Variants in ALOX5 observed in about 807,000 individuals in gnomAD.
The protein encoded by ALOX5 is polyunsaturated fatty acid 5-lipoxygenase.
ALOX5 carries 64 observed loss-of-function variants against 87.9 expected under a neutral mutation model. The observed-to-expected ratio is 0.73, with a 90% CI of 0.60 to 0.90. The LOEUF (loss-of-function observed/expected upper bound fraction) is 0.90, where lower values mean the gene tolerates loss of function less well. Among genes scored for constraint, ALOX5 ranks in the 40% least tolerant of loss-of-function variants. The probability of loss-of-function intolerance (pLI) is 0.00; values close to 1 mark genes in which losing one functional copy is unlikely to be tolerated. For synonymous variants in ALOX5, 388 were observed against 355.1 expected (o/e 1.09, Z -1.04); for missense variants, 822 against 907.5 (o/e 0.91, Z 1.21).
chr10:45,424,015 AAG>A (rs776116374), intron 4 of ALOX5, 24 bp from the exon 5 acceptor site: 3 of 1,584,262 alleles, frequency 1.9e-6, no homozygotes. Context: ...TAGTGTGCGC[AAG>A]GTGACCTCTC....
intron 12 of ALOX5, 101 bp downstream of exon 12, chr10:45,443,929 G>A (rs865992216): frequency 9.6e-6 from 14 of 1,456,900 alleles, no homozygotes; most frequent in Middle Eastern, 2.4e-4. Context: ...GGACAGCCTC[G>A]GGGCCTGGCA....
chr10:45,422,617 CATAGGGCAGCAGGCAT>C, intron 4 of ALOX5, among the ~76,000 whole-genome samples: 1 of 152,194 alleles, frequency 6.6e-6, no homozygotes, highest in African/African-American at 2.4e-5. Flanking sequence ...CCTCAGCATG[CATAGGGCAGCAGGCAT>C]AGATTCATAC....
At chr10:45,391,140 C>T (rs1461043544) in intron 2 of ALOX5, among the ~76,000 whole-genome samples, 5 of 147,710 alleles carry the variant, frequency 3.4e-5, no homozygotes, top group Non-Finnish European at 5.9e-5. Context: ...CCTCTGATGC[C>T]GAGCCAAAGC....
Position 45,445,944 on chromosome 10 carries a change from C to A in ALOX5, c.*257C>A, listed in dbSNP as rs1251139163. ...AGCTCAGCATTTCCACACCAAGCAG[C>A]AACAGCAAATCACGACCACTGATAG... On this transcript the variant is annotated 3_prime_UTR_variant, in exon 14 of 14. Transcript: ENST00000374391. 1 of 428,392 alleles carries A rather than the reference C, an allele frequency of 2.3e-6. No individual in the cohort carries two copies. Among genetic ancestry groups the A allele is most frequent in the Admixed American group, 3.9e-5 (1 of 25,392 alleles). The allele number at this position is 428,392 out of a possible 1,614,324, so 26.5% of individuals were successfully genotyped here. A position where few individuals can be genotyped will look rare whatever the true frequency, so the allele number is the denominator to read the frequency against.
intron 3 of ALOX5, among the ~76,000 whole-genome samples, chr10:45,403,160 G>A (rs1041538744): frequency 1.3e-5 from 2 of 152,200 alleles, no homozygotes; most frequent in Non-Finnish European, 2.9e-5. Context: ...AAATTTGTGT[G>A]CATGTGCGCC....
At chr10:45,414,016 A>T (rs1714018558) in intron 4 of ALOX5, among the ~76,000 whole-genome samples, 1 of 152,236 alleles carries the variant, frequency 6.6e-6, no homozygotes, top group South Asian at 2.1e-4. Flanking sequence ...CATACTCCCA[A>T]GGTAATTTAT....
chr10:45,441,726 C>T (rs1249911803), intron 9 of ALOX5: 1 of 432,020 alleles, frequency 2.3e-6, no homozygotes, highest in African/African-American at 2.0e-5. Context: ...CTGGAACACA[C>T]TCCTTATGGC....
At chr10:45,374,504 G>A in intron 1 of ALOX5, 75 bp downstream of exon 1, 1 of 1,342,498 alleles carries the variant, frequency 7.4e-7, no homozygotes, top group Non-Finnish European at 9.6e-7. Context: ...CAGAGGCCTG[G>A]GCGGGGGCGC....
chr10:45,408,204 G>A (rs1490102103), intron 3 of ALOX5, among the ~76,000 whole-genome samples: 3 of 152,162 alleles, frequency 2.0e-5, no homozygotes, highest in Non-Finnish European at 4.4e-5. Flanking sequence ...CTTATTCTGA[G>A]CCAAATATGA....
Position 45,440,501 on chromosome 10 carries a change from C to T in ALOX5, c.1053C>T (p.Ala351=), listed in dbSNP as rs1403122944. The T allele has an allele frequency of 6.8e-6, 11 of 1,614,220 alleles. No homozygotes were observed. The highest frequency in any genetic ancestry group is 8.5e-6 in the Non-Finnish European group (10 of 1,180,014). The change falls in exon 8 of 14, where the codon GCC becomes GCT. Residue 351 remains alanine, a synonymous_variant. Transcript: ENST00000374391. The part of the protein sequence containing the change: ...PSDAKYDWLL[A]KIWVRSSDFH... ...ATGCAAAATACGACTGGCTTTTGGC[C>T]AAAATCTGGGTGCGTTCCAGTGACT...
intron 9 of ALOX5, chr10:45,442,479 G>A (rs1564450147): frequency 6.6e-6 from 1 of 152,466 alleles, no homozygotes; most frequent in East Asian, 1.9e-4. Context: ...GTATTTGCAT[G>A]TGTGTGTGTG....
At chr10:45,429,640 G>A (rs1243242408) in intron 7 of ALOX5, among the ~76,000 whole-genome samples, 5 of 152,176 alleles carry the variant, frequency 3.3e-5, no homozygotes, top group Non-Finnish European at 7.4e-5. Context: ...TTATTTAGAG[G>A]CTTTTTCCAT....
At position 45,440,293 on chromosome 10, in the gene ALOX5, C is replaced by A. The variant is rs1004801305; in HGVS notation, c.982-137C>A. The A allele has an allele frequency of 2.7e-5, 25 of 917,768 alleles. No individual in the cohort carries two copies. The African/African-American group carries it at 3.7e-4, about 13-fold the overall frequency. The allele number at this position is 917,768 out of a possible 1,614,324, so 56.9% of individuals were successfully genotyped here. On this transcript the variant is annotated intron_variant, in intron 7 of 13. Coordinates refer to ENST00000374391, the MANE Select transcript of ALOX5 (RefSeq NM_000698.5). ...ATACCACCGCAGGGCCCTTTACCCC[C>A]TCCAGGCTCTTCTGATTCCAAAGTC...
chr10:45,392,554 A>C (rs1840325160), intron 2 of ALOX5, among the ~76,000 whole-genome samples: 1 of 152,006 alleles, frequency 6.6e-6, no homozygotes. Context: ...TCAAGTACCC[A>C]GGGACACAAA....
intron 7 of ALOX5, among the ~76,000 whole-genome samples, chr10:45,435,587 A>G (rs1842039797): frequency 6.6e-6 from 1 of 152,184 alleles, no homozygotes; most frequent in Admixed American, 6.5e-5. Context: ...AGCTGCATCC[A>G]TGTTGCTGCA....
intron 9 of ALOX5, 124 bp from the exon 10 acceptor site, chr10:45,442,914 A>G (rs1413711376): frequency 3.9e-6 from 4 of 1,028,230 alleles, no homozygotes; most frequent in South Asian, 1.6e-5. Flanking sequence ...CCCATCTCAC[A>G]GGACAAGGGC....
At position 45,394,799 on chromosome 10, in the gene ALOX5, A is replaced by G. The variant is rs1370390356; in HGVS notation, c.350-1056A>G. On this transcript the variant is annotated intron_variant, in intron 2 of 13. Transcript: ENST00000374391. ...CCCCATCAAAAAGTGGGCGAAGGAT[A>G]TGAACAGACACTTCTCAAAAGAAGA... Among the ~76,000 whole-genome samples, 5 of 152,250 alleles carry G rather than the reference A, an allele frequency of 3.3e-5. No homozygotes were observed. In the East Asian group the frequency reaches 9.6e-4, roughly 29 times the overall value.
chr10:45,400,523 C>T (rs190154106), intron 3 of ALOX5, among the ~76,000 whole-genome samples: 5 of 152,112 alleles, frequency 3.3e-5, no homozygotes, highest in African/African-American at 1.2e-4. Flanking sequence ...CACTTGAACC[C>T]GGGAGGCGGA....
rs1161630564 is a variant in ALOX5, at chr10:45,443,491, C to T, written c.1527C>T (p.Phe509=). 9 of 1,613,238 alleles carry T rather than the reference C, an allele frequency of 5.6e-6. No homozygotes were observed. Among genetic ancestry groups the T allele is most frequent in the African/African-American group, 1.3e-5 (1 of 75,008 alleles). Residue 509 remains phenylalanine, a synonymous_variant, in exon 11 of 14, where the codon TTC becomes TTT. Coordinates refer to ENST00000374391, the MANE Select transcript of ALOX5 (RefSeq NM_000698.5). ...AGGAGGACCCGGAGCTGCAGGACTT[C>T]GTGAACGATGTCTACGTGTACGGCA... is the stretch of plus-strand genomic sequence containing the variant. ...VVEEDPELQD[F]VNDVYVYGMR...
Sources: gnomAD v4.1 joint callset for allele counts (sites outside exome capture counted in the v4.1 genomes callset) on GRCh38, gnomAD v4.1.1 for gene constraint, MANE v1.5 for transcripts, NCBI Gene and HGNC (gene_info 2026-07-23, HGNC 2026-07-21) for gene names.